Variants in SH3BGRL observed in about 807,000 individuals in gnomAD.
SH3BGRL encodes the protein SH3 domain binding glutamate rich protein like, also known as adapter SH3BGRL.
Under a neutral mutation model 9.8 loss-of-function variants are expected in SH3BGRL, and 7 were observed. The ratio of observed to expected loss-of-function variants is 0.72; its 90% CI spans 0.41 to 1.35. The LOEUF (loss-of-function observed/expected upper bound fraction) is 1.35, where lower values mean the gene tolerates loss of function less well. SH3BGRL is among the 40% of genes most tolerant of loss of function. The pLI, the probability that SH3BGRL is intolerant of heterozygous loss-of-function variation, is 0.01. For missense variants in SH3BGRL, 73 were observed against 84.4 expected, an observed-to-expected ratio of 0.86 and a Z score of 0.53; for synonymous variants, 36 against 29.1, an observed-to-expected ratio of 1.24 and a Z score of -0.76.
At chrX:81,245,997 A>G (rs1249617368) in intron 1 of SH3BGRL, among the ~76,000 whole-genome samples, 1 of 111,876 alleles carries the variant, frequency 8.9e-6, no homozygotes, top group Non-Finnish European at 1.9e-5. Context: ...ACTTGTTAAT[A>G]GTAGCCATTC....
intron 1 of SH3BGRL, among the ~76,000 whole-genome samples, chrX:81,230,780 T>G: frequency 8.9e-6 from 1 of 111,964 alleles, no homozygotes; most frequent in East Asian, 2.8e-4. Context: ...CCGAGTTCTT[T>G]CATCCTTGTA....
chrX:81,247,967 C>T (rs1380417708), intron 1 of SH3BGRL, among the ~76,000 whole-genome samples: 5 of 107,250 alleles, frequency 4.7e-5, no homozygotes, highest in African/African-American at 1.7e-4. Flanking sequence ...TTTTAAATTA[C>T]TGCTTCAATT....
At chrX:81,293,121 T>G (rs1393048617) in intron 3 of SH3BGRL, among the ~76,000 whole-genome samples, 1 of 111,319 alleles carries the variant, frequency 9.0e-6, no homozygotes, top group African/African-American at 3.3e-5. Context: ...ACTGTTCTAG[T>G]GGTAGTGAAT....
chrX:81,232,433 T>TGATGAC (rs2075635896), intron 1 of SH3BGRL, among the ~76,000 whole-genome samples: 1 of 109,525 alleles, frequency 9.1e-6, no homozygotes, highest in African/African-American at 3.3e-5. Context: ...ATGATGATGA[T>TGATGAC]AAGGAAGATG....
chrX:81,210,970 C>G (rs2075561296), intron 1 of SH3BGRL, among the ~76,000 whole-genome samples: 1 of 111,718 alleles, frequency 9.0e-6, no homozygotes, highest in Non-Finnish European at 1.9e-5. Flanking sequence ...ACCTTTATCT[C>G]AATTTAAGAA....
At chrX:81,246,137 C>G (rs28540035) in intron 1 of SH3BGRL, among the ~76,000 whole-genome samples, 1,647 of 111,154 alleles carry the variant, frequency 0.015, 40 homozygotes, top group African/African-American at 0.052. Context: ...CCGTTCATGT[C>G]TTTTGCCCAT....
intron 1 of SH3BGRL, among the ~76,000 whole-genome samples, chrX:81,232,991 A>G (rs969620971): frequency 8.9e-6 from 1 of 111,734 alleles, no homozygotes; most frequent in Admixed American, 9.5e-5. Context: ...TTTATGCTAG[A>G]GATGACTACT....
At chrX:81,284,583 T>C (rs2075828560) in intron 3 of SH3BGRL, among the ~76,000 whole-genome samples, 1 of 110,478 alleles carries the variant, frequency 9.1e-6, no homozygotes, top group African/African-American at 3.3e-5. Flanking sequence ...GGAAATAGCA[T>C]GTGGTGTTCT....
chrX:81,212,776 G>A (rs974409132), intron 1 of SH3BGRL, among the ~76,000 whole-genome samples: 28 of 111,301 alleles, frequency 2.5e-4, no homozygotes, highest in African/African-American at 8.2e-4. Context: ...GGACTGCTTG[G>A]GACAGGTCCC....
At chrX:81,215,330 A>T (rs976822489) in intron 1 of SH3BGRL, among the ~76,000 whole-genome samples, 1 of 111,123 alleles carries the variant, frequency 9.0e-6, no homozygotes, top group Non-Finnish European at 1.9e-5. Flanking sequence ...ATTTGAATAG[A>T]TTATGTAGAT....
At chrX:81,243,106 T>C (rs1469804722) in intron 1 of SH3BGRL, among the ~76,000 whole-genome samples, 2 of 112,356 alleles carry the variant, frequency 1.8e-5, no homozygotes, top group Non-Finnish European at 3.8e-5. Flanking sequence ...GTTGTAGCAT[T>C]CACAATAGGT....
rs763277295 is a variant in SH3BGRL, at chrX:81,270,169, TC to T, written c.46-6813del. On this transcript the variant is annotated intron_variant, in intron 1 of 3. Transcript: ENST00000373212. ...CTCCTTGTGATGGGCTAAAACATGC[TC>T]CTTTAGCTCGGGGAAGTTTGTTATT... is the stretch of plus-strand genomic sequence containing the variant. Among the ~76,000 whole-genome samples the T allele has an allele frequency of 2.7e-5, 3 of 111,177 alleles. No homozygotes were observed. In the South Asian group the frequency reaches 1.1e-3, roughly 42 times the overall value.
chrX:81,296,360 AT>A (rs1234201506), intron 3 of SH3BGRL, among the ~76,000 whole-genome samples: 1 of 111,786 alleles, frequency 8.9e-6, no homozygotes, highest in Non-Finnish European at 1.9e-5. Context: ...ATATTTCGTT[AT>A]TTTTTTAAAG....
intron 3 of SH3BGRL, among the ~76,000 whole-genome samples, chrX:81,290,240 AAAAGC>A (rs1386378073): frequency 8.9e-6 from 1 of 112,229 alleles, no homozygotes; most frequent in Non-Finnish European, 1.9e-5. Context: ...ATACACTAAA[AAAAGC>A]AAATCAGTAT....
chrX:81,251,826 T>G (rs1295347201), intron 1 of SH3BGRL, among the ~76,000 whole-genome samples: 2 of 112,210 alleles, frequency 1.8e-5, no homozygotes, highest in African/African-American at 6.5e-5. Context: ...TGCTAGGATA[T>G]TTCATAGAAA....
At chrX:81,234,029 A>G (rs1404660419) in intron 1 of SH3BGRL, among the ~76,000 whole-genome samples, 4 of 111,523 alleles carry the variant, frequency 3.6e-5, no homozygotes, top group Non-Finnish European at 3.8e-5. Context: ...GTCATCATTC[A>G]ACAGATTATT....
In SH3BGRL at chrX:81,202,109, G is replaced by T; in HGVS notation, c.-92G>T. The T allele has an allele frequency of 1.1e-6, 1 of 908,655 alleles. No homozygotes were observed. The highest frequency in any genetic ancestry group is 1.6e-6 in the Non-Finnish European group (1 of 635,829). The allele number at this position is 908,655 out of a possible 1,213,427, so 74.9% of individuals were successfully genotyped here. A position where few individuals can be genotyped will look rare whatever the true frequency, so the allele number is the denominator to read the frequency against. Reference sequence around the variant, plus strand: ...CTTCCCCCACCCTTCTCTGCCAACCGCTGTTTCAGCCCCTAGCTGGATTCC... The same window carrying T: ...CTTCCCCCACCCTTCTCTGCCAACCTCTGTTTCAGCCCCTAGCTGGATTCC... On this transcript the variant is annotated 5_prime_UTR_variant, in exon 1 of 4. Transcript: ENST00000373212.
intron 1 of SH3BGRL, among the ~76,000 whole-genome samples, chrX:81,242,369 G>A (rs1022499206): frequency 3.6e-5 from 4 of 111,705 alleles, no homozygotes; most frequent in Admixed American, 9.5e-5. Context: ...ATATGCAGAA[G>A]AATGAAAGTA....
chrX:81,278,525 T>C, intron 3 of SH3BGRL, 114 bp downstream of exon 3: 2 of 481,083 alleles, frequency 4.2e-6, no homozygotes, highest in Non-Finnish European at 6.8e-6. Context: ...GACAATCCTT[T>C]ATAGCAAAAA....
Sources: allele counts gnomAD v4.1 joint callset (sites outside exome capture counted in the v4.1 genomes callset), GRCh38; gene constraint gnomAD v4.1.1; transcripts MANE v1.5; gene names NCBI Gene and HGNC (gene_info 2026-07-23, HGNC 2026-07-21).